REN: variants seen among roughly 807,000 people sequenced by gnomAD.
REN encodes the protein angiotensin-forming enzyme.
Under a neutral mutation model 48.6 loss-of-function variants are expected in REN, and 42 were observed. That is an observed-to-expected ratio of 0.86 (90% confidence interval 0.68 to 1.12). The LOEUF (loss-of-function observed/expected upper bound fraction) is 1.12, where lower values mean the gene tolerates loss of function less well. Ranked by LOEUF, REN falls within the 50% of genes most tolerant of loss-of-function variation. The pLI is 0.00. For synonymous variants in REN, 196 were observed against 204.6 expected (o/e 0.96, Z 0.36); for missense variants, 443 against 527.3 (o/e 0.84, Z 1.57).
intron 5 of REN, among the ~76,000 whole-genome samples, 195 bp from the exon 6 acceptor site, chr1:204,157,564 C>T (rs931248597): frequency 1.6e-4 from 24 of 152,220 alleles, no homozygotes; most frequent in African/African-American, 5.8e-4. Flanking sequence ...GCTCCTGGTG[C>T]CCCGTCTGGA....
At position 204,156,504 on chromosome 1, in the gene REN, C is replaced by T. The variant is rs1320307513; in HGVS notation, c.818+173G>A. On this transcript the variant is annotated intron_variant, in intron 7 of 9. Coordinates refer to ENST00000272190, the MANE Select transcript of REN (RefSeq NM_000537.4). The surrounding 1 kb of genome is among the most constrained non-coding windows in gnomAD (Gnocchi z 4.2). ...TCCACCACTTCTCCCCAGGCCCCTC[C>T]CTTCTCTGTTCCCCAGCCTGGACAG... 6.6e-6 allele frequency among the ~76,000 whole-genome samples: 1 copy of T among 152,168 alleles called. No individual in the cohort carries two copies. The highest frequency in any genetic ancestry group is 1.5e-5 in the Non-Finnish European group (1 of 68,018).
chr1:204,156,207 C>A lies in REN; in HGVS notation c.931G>T (p.Ala311Ser). 6.2e-7 allele frequency: 1 copy of A among 1,614,242 alleles called. No individual in the cohort carries two copies. Among genetic ancestry groups the A allele is most frequent in the Non-Finnish European group, 8.5e-7 (1 of 1,180,036 alleles). ...STSSIEKLME[A>S]LGAKKRLFDY... is the part of the protein sequence containing the mutation. ...AACAGCCTCTTCTTGGCTCCCAAGG[C>A]CTCCATGAGCTTCTCTATGGAGCTG... Residue 311 changes from alanine to serine, a missense_variant, in exon 8 of 10, where the codon GCC (alanine) becomes TCC (serine). Ala to Ser is a moderately conservative substitution (Grantham distance 99). Transcript: ENST00000272190. This position sits in a 1 kb window ranked among gnomAD's most constrained non-coding sequence, Gnocchi z 4.2.
chr1:204,156,428 C>T lies in REN; in HGVS notation c.819-109G>A, dbSNP rs958772229. On this transcript the variant is annotated intron_variant, in intron 7 of 9. Transcript: ENST00000272190. This position sits in a 1 kb window ranked among gnomAD's most constrained non-coding sequence, Gnocchi z 4.2. ...AGTGTGGGTGGGTGGGTGGAGGCCA[C>T]GCTGGTGGCCTGTTGAGGCAGTGAG... 120 of 1,468,776 alleles carry T rather than the reference C, an allele frequency of 8.2e-5. No homozygotes were observed. Among genetic ancestry groups the T allele is most frequent in the Non-Finnish European group, 9.6e-5 (103 of 1,074,544 alleles). The allele number at this position is 1,468,776 out of a possible 1,614,324, so 91.0% of individuals were successfully genotyped here.
At chr1:204,159,698 A>G in intron 4 of REN, 103 bp from the exon 5 acceptor site, 1 of 968,132 alleles carries the variant, frequency 1.0e-6, no homozygotes, top group Admixed American at 1.9e-5. Context: ...CACATGCTCC[A>G]GGGTACAGAA....
intron 1 of REN, among the ~76,000 whole-genome samples, chr1:204,163,691 G>A (rs1253668569): frequency 6.6e-6 from 1 of 152,072 alleles, no homozygotes; most frequent in Non-Finnish European, 1.5e-5. Flanking sequence ...CCTTCCCGTG[G>A]GCCTCAGCTC....
intron 2 of REN, 34 bp from the exon 3 acceptor site, chr1:204,161,449 CAG>C: frequency 1.4e-6 from 2 of 1,456,364 alleles, no homozygotes; most frequent in Non-Finnish European, 1.8e-6. Context: ...TGGAGGGGCT[CAG>C]GGGACCTTGG....
rs1658134900 is a variant in REN at position 204,155,741 on chromosome 1, T to C, written c.1059+79A>G. ...AGAACTACAGTTCTAACATGACCTGTGCATTGTAATCTGTCACTCTTTGAG... is the reference window on the plus strand; with the variant it reads ...AGAACTACAGTTCTAACATGACCTGCGCATTGTAATCTGTCACTCTTTGAG... On this transcript the variant is annotated intron_variant, in intron 9 of 9. Coordinates refer to ENST00000272190, the MANE Select transcript of REN (RefSeq NM_000537.4). 3 of 1,074,704 alleles carry C rather than the reference T, an allele frequency of 2.8e-6. No homozygotes were observed. In the Admixed American group the frequency reaches 5.9e-5, roughly 21 times the overall value. 66.6% of individuals were successfully genotyped at this position (1,074,704 alleles called of 1,614,324 possible).
rs750739547 is a variant in REN at position 204,156,808 on chromosome 1, A to T, written c.699-12T>A. On this transcript the variant is annotated splice_polypyrimidine_tract_variant and intron_variant, in intron 6 of 9. Transcript: ENST00000272190. The surrounding 1 kb of genome is among the most constrained non-coding windows in gnomAD (Gnocchi z 4.2). Reference sequence around the variant, plus strand: ...GCGATTGGGAATTCCTAAAGGAAAGATCAGAAGCTCTTGGAAACCCATAAC... The same window carrying T: ...GCGATTGGGAATTCCTAAAGGAAAGTTCAGAAGCTCTTGGAAACCCATAAC... The T allele has an allele frequency of 4.3e-6, 7 of 1,613,784 alleles. No homozygotes were observed. The highest frequency in any genetic ancestry group is 5.9e-6 in the Non-Finnish European group (7 of 1,180,026).
At chr1:204,165,128 C>T (rs11571099) in intron 1 of REN, among the ~76,000 whole-genome samples, 2,484 of 152,188 alleles carry the variant, frequency 0.016, 71 homozygotes, top group African/African-American at 0.058. Context: ...TGTGCCACCA[C>T]GCCCGGCTAA....
At chr1:204,163,246 C>G (rs1480714481) in intron 1 of REN, among the ~76,000 whole-genome samples, 1 of 152,230 alleles carries the variant, frequency 6.6e-6, no homozygotes, top group Non-Finnish European at 1.5e-5. Context: ...ACTACCCTTT[C>G]CTTCCTACAT....
At position 204,156,603 on chromosome 1, in the gene REN, G is replaced by T; in HGVS notation, c.818+74C>A. On this transcript the variant is annotated intron_variant, in intron 7 of 9. Coordinates refer to ENST00000272190, the MANE Select transcript of REN (RefSeq NM_000537.4). This position sits in a 1 kb window ranked among gnomAD's most constrained non-coding sequence, Gnocchi z 4.2. ...GGAAAGAGGGCAGGATGGTAATGCA[G>T]TCCTTCCCCACCCTCCCCAACCCCA... The T allele has an allele frequency of 6.3e-7, 1 of 1,584,738 alleles. No homozygotes were observed. Among genetic ancestry groups the T allele is most frequent in the South Asian group, 1.1e-5 (1 of 90,172 alleles).
intron 1 of REN, among the ~76,000 whole-genome samples, chr1:204,165,112 C>T (rs1006084525): frequency 3.9e-5 from 6 of 152,122 alleles, no homozygotes; most frequent in African/African-American, 1.2e-4. Flanking sequence ...GCTGGAATTA[C>T]AGGCATGTGC....
In REN at chr1:204,161,880, T is replaced by G. The variant is rs1365160644; in HGVS notation, c.249+133A>C. ...TTCCAGCTGGAAAATGGGAATTTTCTAGGGTGCTCACGTGCTACTCAGCGC... is the reference window on the plus strand; with the variant it reads ...TTCCAGCTGGAAAATGGGAATTTTCGAGGGTGCTCACGTGCTACTCAGCGC... On this transcript the variant is annotated intron_variant, in intron 2 of 9. Transcript: ENST00000272190. The G allele has an allele frequency of 2.7e-5, 30 of 1,117,934 alleles. No homozygotes were observed. In the East Asian group the frequency reaches 7.3e-4, roughly 27 times the overall value. 69.3% of individuals were successfully genotyped at this position (1,117,934 alleles called of 1,614,324 possible).
At chr1:204,161,868 ATG>A (rs1290464688) in intron 2 of REN, 143 bp downstream of exon 2, 2 of 1,020,098 alleles carry the variant, frequency 2.0e-6, no homozygotes, top group Non-Finnish European at 2.8e-6. Context: ...CAGCTGGAAA[ATG>A]GGAATTTTCT....
At chr1:204,163,291 T>A (rs749229102) in intron 1 of REN, among the ~76,000 whole-genome samples, 2 of 152,182 alleles carry the variant, frequency 1.3e-5, no homozygotes, top group African/African-American at 4.8e-5. Flanking sequence ...CTTACCCCCA[T>A]TTTGCCCATG....
chr1:204,156,840 G>A lies in REN; in HGVS notation c.699-44C>T. On this transcript the variant is annotated intron_variant, in intron 6 of 9. Coordinates refer to ENST00000272190, the MANE Select transcript of REN (RefSeq NM_000537.4). The surrounding 1 kb of genome is among the most constrained non-coding windows in gnomAD (Gnocchi z 4.2). ...GCTCTTGGAAACCCATAACCTCCAG[G>A]ACCCAGCAACTCAGGCAATTGGGGA... 6.2e-7 allele frequency: 1 copy of A among 1,610,954 alleles called. No individual in the cohort carries two copies.
chr1:204,166,134 G>A, intron 1 of REN, 62 bp downstream of exon 1: 3 of 1,368,740 alleles, frequency 2.2e-6, no homozygotes, highest in Non-Finnish European at 3.1e-6. Flanking sequence ...AAAAGCCAGG[G>A]TGTTGGGAAG....
At chr1:204,161,892 G>T in intron 2 of REN, 121 bp downstream of exon 2, 2 of 1,264,256 alleles carry the variant, frequency 1.6e-6, no homozygotes, top group Non-Finnish European at 2.2e-6. Context: ...GGGTGCTCAC[G>T]TGCTACTCAG....
Position 204,156,132 on chromosome 1 carries a change from G to A in REN, c.960+46C>T. On this transcript the variant is annotated intron_variant, in intron 8 of 9. Transcript: ENST00000272190. The surrounding 1 kb of genome is among the most constrained non-coding windows in gnomAD (Gnocchi z 4.2). ...TGGGGGATTTGTGAGCCGATACCAG[G>A]TGGCGCTCCCCCCACCCACAGCACC... 1 of 1,613,552 alleles carries A rather than the reference G, an allele frequency of 6.2e-7. No homozygotes were observed. Among genetic ancestry groups the A allele is most frequent in the African/African-American group, 1.3e-5 (1 of 75,042 alleles).
Sources: allele counts gnomAD v4.1 joint callset (sites outside exome capture counted in the v4.1 genomes callset), GRCh38; gene constraint gnomAD v4.1.1; non-coding constraint Gnocchi (gnomAD v3.1); transcripts MANE v1.5; gene names NCBI Gene and HGNC (gene_info 2026-07-23, HGNC 2026-07-21).